GGA2: variants seen among roughly 807,000 people sequenced by gnomAD.
GGA2 encodes the protein ADP-ribosylation factor-binding protein GGA2.
In GGA2, 48 loss-of-function variants were observed where a neutral mutation model predicts 79.5. That is an observed-to-expected ratio of 0.60 (90% CI 0.48 to 0.77). GGA2 has a LOEUF of 0.77. Among genes scored for constraint, GGA2 ranks in the 30% least tolerant of loss-of-function variants. GGA2 has a pLI of 0.00. For missense variants in GGA2, 770 were observed against 774.0 expected (o/e 0.99, Z 0.06); for synonymous variants, 317 against 302.0 (o/e 1.05, Z -0.51).
intron 6 of GGA2, among the ~76,000 whole-genome samples, chr16:23,488,127 G>GAAGCA (rs1157125911): frequency 2.0e-5 from 3 of 152,030 alleles, no homozygotes; most frequent in Non-Finnish European, 2.9e-5. Flanking sequence ...AGAAAGAGCT[G>GAAGCA]AAGCAACACA....
chr16:23,481,723 A>G (rs1356930555), intron 9 of GGA2, among the ~76,000 whole-genome samples: 1 of 152,186 alleles, frequency 6.6e-6, no homozygotes, highest in African/African-American at 2.4e-5. Context: ...TAGAGGCTAC[A>G]GTGAGCTGAG....
chr16:23,511,177 G>T (rs1294758884), upstream of GGA2, among the ~76,000 whole-genome samples: 2 of 151,874 alleles, frequency 1.3e-5, no homozygotes, highest in African/African-American at 4.8e-5. Flanking sequence ...TTTTGAGACG[G>T]AGTCTCACTC....
At chr16:23,470,825 CTTTTTTTTT>C (rs36067397) in intron 14 of GGA2, among the ~76,000 whole-genome samples, 3 of 56,112 alleles carry the variant, frequency 5.3e-5, no homozygotes, top group Admixed American at 3.0e-4. Flanking sequence ...GAAATAAATG[CTTTTTTTTT>C]TTTTTTTTTT....
At chr16:23,477,970 A>C (rs1055521086) in intron 13 of GGA2, among the ~76,000 whole-genome samples, 1 of 151,990 alleles carries the variant, frequency 6.6e-6, no homozygotes, top group Non-Finnish European at 1.5e-5. Flanking sequence ...AGGCAGACGG[A>C]TCACCTGAGG....
chr16:23,474,133 G>GCTCC (rs1256063159), intron 14 of GGA2, among the ~76,000 whole-genome samples: 1 of 152,166 alleles, frequency 6.6e-6, no homozygotes, highest in Non-Finnish European at 1.5e-5. Flanking sequence ...GCCTTAAGGA[G>GCTCC]GATCCCTAGA....
rs2142108359 is a variant in GGA2 at position 23,465,546 on chromosome 16, T to TTA, written c.*2043_*2044insTA. Reference sequence around the variant, plus strand: ...AGGGGAGAAAGCCTGTCTTTATGTATAAGTCTCATTCACCCATTTTGACCA... The same window carrying TTA: ...AGGGGAGAAAGCCTGTCTTTATGTATTAAAGTCTCATTCACCCATTTTGACCA... On this transcript the variant is annotated 3_prime_UTR_variant, in exon 17 of 17. Transcript: ENST00000309859. The TTA allele has an allele frequency of 1.6e-6, 1 of 631,150 alleles. No homozygotes were observed. The highest frequency in any genetic ancestry group is 2.7e-5 in the East Asian group (1 of 36,682). 39.1% of individuals were successfully genotyped at this position (631,150 alleles called of 1,614,324 possible).
rs142255554 is a variant in GGA2, at chr16:23,482,991, C to A, written c.812G>T (p.Arg271Met). 6.2e-7 allele frequency: 1 copy of A among 1,610,266 alleles called. No homozygotes were observed. Among genetic ancestry groups the A allele is most frequent in the Non-Finnish European group, 8.5e-7 (1 of 1,176,566 alleles). ...CAGCGTGGGCCGCAGCTTTTCACACCTCTCATACACGACCTGAAAGAGCAG... is the reference window on the plus strand; with the variant it reads ...CAGCGTGGGCCGCAGCTTTTCACACATCTCATACACGACCTGAAAGAGCAG... Reference protein sequence around the residue: ...DQEALQVVYERCEKLRPTLFR... With the variant: ...DQEALQVVYEMCEKLRPTLFR... Residue 271 changes from arginine to methionine, a missense_variant, in exon 9 of 17, where the codon AGG (arginine) becomes ATG (methionine). By Grantham distance (91) the Arg-to-Met change is moderately conservative (BLOSUM62 -1). Coordinates refer to ENST00000309859, the MANE Select transcript of GGA2 (RefSeq NM_015044.4).
Position 23,480,431 on chromosome 16 carries a change from T to C in GGA2, c.1006+214A>G, listed in dbSNP as rs573466432. The stretch of plus-strand genomic sequence containing the variant: ...GGCACAGCTTAGCCATCTGCTTTTG[T>C]GTGTAGTCAAAGCTGGGGTCCAGCC... On this transcript the variant is annotated intron_variant, in intron 10 of 16. Coordinates refer to ENST00000309859, the MANE Select transcript of GGA2 (RefSeq NM_015044.4). 4 of 503,562 alleles carry C rather than the reference T, an allele frequency of 7.9e-6. No individual in the cohort carries two copies. The East Asian group carries it at 1.2e-4, about 16-fold the overall frequency. 31.2% of individuals were successfully genotyped at this position (503,562 alleles called of 1,614,324 possible).
At chr16:23,521,869 T>A in exon 1 of GGA2, 1 of 456,060 alleles carries the variant, frequency 2.2e-6, no homozygotes, top group Non-Finnish European at 4.4e-6. Flanking sequence ...ACTCAGTAGA[T>A]CAGAGTTAAG....
chr16:23,483,365 G>C (rs758474905), intron 8 of GGA2, among the ~76,000 whole-genome samples: 7 of 152,172 alleles, frequency 4.6e-5, no homozygotes, highest in Non-Finnish European at 7.3e-5. Flanking sequence ...AAGTTAGTGG[G>C]TGCCTGTAAT....
intron 14 of GGA2, among the ~76,000 whole-genome samples, chr16:23,474,117 T>C (rs1185681368): frequency 1.3e-5 from 2 of 152,198 alleles, no homozygotes; most frequent in African/African-American, 4.8e-5. Flanking sequence ...TAATATCCAC[T>C]TTTCTGCCTT....
At chr16:23,480,564 A>G (rs1326232982) in intron 10 of GGA2, 81 bp downstream of exon 10, 5 of 1,212,568 alleles carry the variant, frequency 4.1e-6, no homozygotes, top group Middle Eastern at 2.8e-4. Context: ...TTAACCCAGA[A>G]TATGTTTAGG....
At position 23,470,169 on chromosome 16, in the gene GGA2, G is replaced by A; in HGVS notation, c.1451-4C>T. ...ACAATGAGAGGCGGCAGGCTGCCTG[G>A]TATAAAGGGCACAAGCAGAAGGTTT... On this transcript the variant is annotated splice_polypyrimidine_tract_variant and splice_region_variant and intron_variant, in intron 14 of 16. Coordinates refer to ENST00000309859, the MANE Select transcript of GGA2 (RefSeq NM_015044.4). The A allele has an allele frequency of 6.3e-7, 1 of 1,588,332 alleles. No homozygotes were observed. The highest frequency in any genetic ancestry group is 8.6e-7 in the Non-Finnish European group (1 of 1,167,944).
Position 23,464,436 on chromosome 16 carries a change from C to T in GGA2, c.*3154G>A, listed in dbSNP as rs140317472. 6.6e-6 allele frequency: 1 copy of T among 152,002 alleles called. No individual in the cohort carries two copies. The highest frequency in any genetic ancestry group is 1.5e-5 in the Non-Finnish European group (1 of 68,014). The allele number at this position is 152,002 out of a possible 1,614,324, so 9.4% of individuals were successfully genotyped here. On this transcript the variant is annotated 3_prime_UTR_variant, in exon 17 of 17. Coordinates refer to ENST00000309859, the MANE Select transcript of GGA2 (RefSeq NM_015044.4). ...CAACTTGAATTTGATCCCATAAAGT[C>T]AGGCATCAGGAAGCCATTCAGAATT...
chr16:23,494,022 T>G (rs1964823226), intron 3 of GGA2: 2 of 460,250 alleles, frequency 4.3e-6, no homozygotes, highest in Admixed American at 3.4e-5. Context: ...AAAAGGCACA[T>G]GAACTTGCCA....
intron 6 of GGA2, 69 bp downstream of exon 6, chr16:23,488,537 C>T (rs113348656): frequency 0.014 from 12,804 of 903,468 alleles, 138 homozygotes; most frequent in Middle Eastern, 0.03. Flanking sequence ...CCGATTCAAG[C>T]ATCAAAGGGC....
At chr16:23,497,243 C>T (rs1299600748) in intron 1 of GGA2, among the ~76,000 whole-genome samples, 5 of 152,120 alleles carry the variant, frequency 3.3e-5, no homozygotes, top group Admixed American at 1.3e-4. Context: ...GGCGTTGCTT[C>T]TCGGGGCAGT....
chr16:23,486,005 C>G lies in GGA2; in HGVS notation c.798+10G>C, dbSNP rs746506375. 10 of 1,613,126 alleles carry G rather than the reference C, an allele frequency of 6.2e-6. No homozygotes were observed. In the East Asian group the frequency reaches 1.3e-4, roughly 22 times the overall value. On this transcript the variant is annotated intron_variant, in intron 8 of 16. Coordinates refer to ENST00000309859, the MANE Select transcript of GGA2 (RefSeq NM_015044.4). ...AACATGTGCAGCCCCCTGTGTTACA[C>G]CTGTATTACCTGCAGGGCCTCCTGG...
intron 2 of GGA2, among the ~76,000 whole-genome samples, chr16:23,515,921 C>T (rs996062740): frequency 1.3e-5 from 2 of 152,184 alleles, no homozygotes; most frequent in African/African-American, 4.8e-5. Flanking sequence ...TCACTTGCAG[C>T]CTCCAACTCC....
Sources: allele counts gnomAD v4.1 joint callset (sites outside exome capture counted in the v4.1 genomes callset), GRCh38; gene constraint gnomAD v4.1.1; transcripts MANE v1.5; gene names NCBI Gene and HGNC (gene_info 2026-07-23, HGNC 2026-07-21).